Variants in DENND1A observed in about 807,000 individuals in gnomAD.
DENND1A encodes DENN domain containing 1A, also known as DENN domain-containing protein 1A.
A neutral mutation model predicts 113.7 loss-of-function variants in DENND1A; 51 were observed. That is an observed-to-expected ratio of 0.45 (90% CI 0.36 to 0.57). The LOEUF is 0.57. Among genes scored for constraint, DENND1A ranks in the 20% least tolerant of loss-of-function variants. The pLI, the probability that DENND1A is intolerant of heterozygous loss-of-function variation, is 0.00. For synonymous variants in DENND1A, 565 were observed against 570.8 expected, an observed-to-expected ratio of 0.99 and a Z score of 0.14; for missense variants, 1,258 against 1,395.9, an observed-to-expected ratio of 0.90 and a Z score of 1.57.
intron 8 of DENND1A, among the ~76,000 whole-genome samples, chr9:123,652,493 G>A (rs1043493353): frequency 6.6e-6 from 1 of 152,202 alleles, no homozygotes; most frequent in Admixed American, 6.5e-5. Context: ...AAGCAATGAA[G>A]ACAGGACTGC....
At chr9:123,577,640 A>G (rs1253109788) in intron 12 of DENND1A, among the ~76,000 whole-genome samples, 1 of 152,232 alleles carries the variant, frequency 6.6e-6, no homozygotes, top group African/African-American at 2.4e-5. Flanking sequence ...GATTTCTTGC[A>G]CATCAGATTG....
At chr9:123,444,567 T>C (rs1020347816) in intron 18 of DENND1A, among the ~76,000 whole-genome samples, 9 of 151,938 alleles carry the variant, frequency 5.9e-5, no homozygotes, top group East Asian at 3.9e-4. Context: ...GGCAAGAAAA[T>C]TGCATGAACC....
At position 123,381,312 on chromosome 9, in the gene DENND1A, G is replaced by A. The variant is rs994327763; in HGVS notation, c.*120C>T. The A allele has an allele frequency of 1.4e-5, 13 of 946,712 alleles. No homozygotes were observed. Among genetic ancestry groups the A allele is most frequent in the Non-Finnish European group, 2.1e-5 (13 of 631,550 alleles). 58.6% of individuals were successfully genotyped at this position (946,712 alleles called of 1,614,324 possible). A position where few individuals can be genotyped will look rare whatever the true frequency, so the allele number is the denominator to read the frequency against. ...GAGGGGAGGAGGGGGCAGCAGAGAG[G>A]GGTCCCATCCCTTCCCACCAGCAGA... On this transcript the variant is annotated 3_prime_UTR_variant, in exon 24 of 24. Transcript: ENST00000394215. The surrounding 1 kb of genome is among the most constrained non-coding windows in gnomAD (Gnocchi z 4.7).
intron 4 of DENND1A, chr9:123,759,474 GGGTACA>G (rs1338116147): frequency 3.9e-5 from 6 of 152,146 alleles, no homozygotes; most frequent in Admixed American, 3.9e-4. Flanking sequence ...ACCCAGGCTG[GGGTACA>G]GTGGCACAAT....
At chr9:123,681,590 A>G (rs965327357) in intron 5 of DENND1A, among the ~76,000 whole-genome samples, 1 of 152,188 alleles carries the variant, frequency 6.6e-6, no homozygotes, top group Non-Finnish European at 1.5e-5. Flanking sequence ...GAAGAGAGTT[A>G]CAAATCCAGT....
intron 13 of DENND1A, among the ~76,000 whole-genome samples, chr9:123,515,504 A>C (rs1468130560): frequency 1.3e-5 from 2 of 152,244 alleles, no homozygotes; most frequent in African/African-American, 4.8e-5. Context: ...CACAGTGTGC[A>C]TATATTTAGA....
At chr9:123,748,181 T>C (rs1449378465) in intron 5 of DENND1A, among the ~76,000 whole-genome samples, 3 of 152,190 alleles carry the variant, frequency 2.0e-5, no homozygotes, top group Non-Finnish European at 2.9e-5. Context: ...TAATGACATG[T>C]AAAGATGGTT....
At chr9:123,559,618 C>A (rs1033940060) in intron 12 of DENND1A, among the ~76,000 whole-genome samples, 2 of 152,078 alleles carry the variant, frequency 1.3e-5, no homozygotes, top group Non-Finnish European at 2.9e-5. Flanking sequence ...AGAAATGATC[C>A]ACGCACATTA....
intron 5 of DENND1A, among the ~76,000 whole-genome samples, chr9:123,718,275 G>A (rs752095718): frequency 3.9e-5 from 6 of 152,198 alleles, no homozygotes; most frequent in Non-Finnish European, 4.4e-5. Flanking sequence ...AATCCACCCA[G>A]GGCCAAAGGG....
Position 123,538,052 on chromosome 9 carries a change from G to A in DENND1A, c.993+19518C>T, listed in dbSNP as rs117970109. On this transcript the variant is annotated intron_variant, in intron 13 of 23. Coordinates refer to ENST00000394215, the MANE Select transcript of DENND1A (RefSeq NM_001352964.2). Reference sequence around the variant, plus strand: ...CATGCTCTAGCAATGTAAATACAGCGGAACTAGTCAAAAATGGGAGGAAAG... The same window carrying A: ...CATGCTCTAGCAATGTAAATACAGCAGAACTAGTCAAAAATGGGAGGAAAG... Among the ~76,000 whole-genome samples the A allele has an allele frequency of 4.6e-5, 7 of 152,254 alleles. No individual in the cohort carries two copies. In the East Asian group the frequency reaches 7.7e-4, roughly 17 times the overall value.
chr9:123,686,125 G>A (rs748030100), intron 5 of DENND1A, among the ~76,000 whole-genome samples: 1 of 152,184 alleles, frequency 6.6e-6, no homozygotes, highest in East Asian at 1.9e-4. Context: ...TTTAGGGCTA[G>A]AGAGTAGAAG....
chr9:123,648,033 G>T (rs1192771002), intron 9 of DENND1A, among the ~76,000 whole-genome samples: 1 of 152,080 alleles, frequency 6.6e-6, no homozygotes, highest in Non-Finnish European at 1.5e-5. Flanking sequence ...ATAACACCTG[G>T]CTTTGTCAGC....
chr9:123,383,050 T>G (rs2130863270), intron 23 of DENND1A, among the ~76,000 whole-genome samples: 1 of 152,276 alleles, frequency 6.6e-6, no homozygotes, highest in South Asian at 2.1e-4. Flanking sequence ...CTCTGCCACT[T>G]GCAAGCCACA....
Position 123,490,738 on chromosome 9 carries a change from A to C in DENND1A, c.994-32841T>G, listed in dbSNP as rs2133966054. 1.3e-5 allele frequency among the ~76,000 whole-genome samples: 2 copies of C among 152,298 alleles called. 1 individual carries two copies. Among genetic ancestry groups the C allele is most frequent in the South Asian group, 4.1e-4 (2 of 4,828 alleles). The stretch of plus-strand genomic sequence containing the variant: ...TTTATTTTATACAATATATGCTATA[A>C]TTTCAATACTTAATCAATATAGAAA... On this transcript the variant is annotated intron_variant, in intron 13 of 23. Transcript: ENST00000394215.
At chr9:123,887,521 G>A (rs928212513) in intron 1 of DENND1A, among the ~76,000 whole-genome samples, 11 of 152,016 alleles carry the variant, frequency 7.2e-5, no homozygotes, top group African/African-American at 2.7e-4. Context: ...ACCCATGTGA[G>A]GGCATCCCAA....
Position 123,381,222 on chromosome 9 carries a change from G to A in DENND1A, c.*210C>T. 1.6e-6 allele frequency: 1 copy of A among 608,832 alleles called. No individual in the cohort carries two copies. The highest frequency in any genetic ancestry group is 2.9e-6 in the Non-Finnish European group (1 of 346,932). The allele number at this position is 608,832 out of a possible 1,614,324, so 37.7% of individuals were successfully genotyped here. On this transcript the variant is annotated 3_prime_UTR_variant, in exon 24 of 24. Transcript: ENST00000394215. The surrounding 1 kb of genome is among the most constrained non-coding windows in gnomAD (Gnocchi z 4.7). ...GGGGTGGGATGGGCACTCAGGAACT[G>A]GGTTGATTCCCAGGCTGGAACTGGT...
At chr9:123,462,660 G>A (rs2048623697) in intron 13 of DENND1A, among the ~76,000 whole-genome samples, 1 of 152,180 alleles carries the variant, frequency 6.6e-6, no homozygotes, top group African/African-American at 2.4e-5. Flanking sequence ...AGCTGGGCGT[G>A]TTGGCGCACG....
chr9:123,886,230 T>C (rs1480480796), intron 1 of DENND1A, among the ~76,000 whole-genome samples: 1 of 152,068 alleles, frequency 6.6e-6, no homozygotes, highest in Non-Finnish European at 1.5e-5. Flanking sequence ...CTCTGCTGGA[T>C]CATCAGCTTT....
At chr9:123,474,154 C>T (rs1416380415) in intron 13 of DENND1A, among the ~76,000 whole-genome samples, 4 of 151,860 alleles carry the variant, frequency 2.6e-5, no homozygotes, top group African/African-American at 7.3e-5. Flanking sequence ...ACCACCATGC[C>T]GAGCTAATTT....
Sources: gnomAD v4.1 joint callset for allele counts (sites outside exome capture counted in the v4.1 genomes callset) on GRCh38, gnomAD v4.1.1 for gene constraint, Gnocchi (gnomAD v3.1) non-coding constraint, MANE v1.5 for transcripts, NCBI Gene and HGNC (gene_info 2026-07-23, HGNC 2026-07-21) for gene names.